Variants in RPS6KB1 observed in about 807,000 individuals in gnomAD.
RPS6KB1 encodes the protein ribosomal protein S6 kinase beta-1.
RPS6KB1 carries 12 observed loss-of-function variants against 70.2 expected under a neutral mutation model. The ratio of observed to expected loss-of-function variants is 0.17; its 90% CI spans 0.11 to 0.28. The LOEUF (loss-of-function observed/expected upper bound fraction) is 0.28. Among genes scored for constraint, RPS6KB1 ranks in the 10% least tolerant of loss-of-function variants. The pLI, the probability that RPS6KB1 is intolerant of heterozygous loss-of-function variation, is 1.00. For missense variants in RPS6KB1, 270 were observed against 646.6 expected (o/e 0.42, Z 6.32); for synonymous variants, 175 against 211.2 (o/e 0.83, Z 1.49).
rs1015791882 is a variant in RPS6KB1, at chr17:59,947,282, A to C, written c.*494A>C. Reference sequence around the variant, plus strand: ...ACTTACCAATTGATGTTTTACGTGCAAACAACCTGAATCTTTTTTTTATAT... The same window carrying C: ...ACTTACCAATTGATGTTTTACGTGCCAACAACCTGAATCTTTTTTTTATAT... On this transcript the variant is annotated 3_prime_UTR_variant, in exon 15 of 15. Transcript: ENST00000225577. The C allele has an allele frequency of 9.9e-7, 1 of 1,007,284 alleles. No individual in the cohort carries two copies. Among genetic ancestry groups the C allele is most frequent in the South Asian group, 4.7e-5 (1 of 21,328 alleles). 62.4% of individuals were successfully genotyped at this position (1,007,284 alleles called of 1,614,324 possible).
intron 1 of RPS6KB1, among the ~76,000 whole-genome samples, chr17:59,896,141 A>G (rs905095154): frequency 5.3e-5 from 8 of 152,106 alleles, no homozygotes; most frequent in Non-Finnish European, 1.0e-4. Flanking sequence ...AAGGTGCTTT[A>G]TATCTTCATT....
At chr17:59,924,086 C>G (rs2144899876) in intron 4 of RPS6KB1, among the ~76,000 whole-genome samples, 1 of 152,252 alleles carries the variant, frequency 6.6e-6, no homozygotes, top group Middle Eastern at 3.4e-3. Flanking sequence ...GTAATCCCAG[C>G]ACTTTGGGAG....
intron 1 of RPS6KB1, among the ~76,000 whole-genome samples, chr17:59,897,350 A>G (rs776942713): frequency 2.0e-5 from 3 of 152,232 alleles, no homozygotes; most frequent in Non-Finnish European, 4.4e-5. Flanking sequence ...GTATTAAGCA[A>G]TTAGCTAGTT....
At chr17:59,910,530 ATTAT>A (rs1284583718) in intron 1 of RPS6KB1, 28 bp from the exon 2 acceptor site, 2 of 1,413,358 alleles carry the variant, frequency 1.4e-6, no homozygotes, top group African/African-American at 2.8e-5. Flanking sequence ...TGTTTATTAG[ATTAT>A]TTCTGAAACT....
intron 12 of RPS6KB1, among the ~76,000 whole-genome samples, chr17:59,938,345 A>C (rs945996958): frequency 6.6e-6 from 1 of 150,850 alleles, no homozygotes; most frequent in African/African-American, 2.4e-5. Context: ...TTTTTTCTAG[A>C]GATGAGGTCT....
At chr17:59,940,612 A>G (rs1450664894) in intron 12 of RPS6KB1, among the ~76,000 whole-genome samples, 1 of 152,122 alleles carries the variant, frequency 6.6e-6, no homozygotes, top group Non-Finnish European at 1.5e-5. Flanking sequence ...TAATAGGAAT[A>G]ACTGTATACT....
intron 5 of RPS6KB1, among the ~76,000 whole-genome samples, chr17:59,929,489 T>C (rs1346447418): frequency 3.3e-5 from 5 of 152,266 alleles, no homozygotes; most frequent in African/African-American, 1.2e-4. Flanking sequence ...CACGTCTTCT[T>C]CATTTATTAC....
chr17:59,904,235 C>A (rs2042129086), intron 1 of RPS6KB1, among the ~76,000 whole-genome samples: 1 of 151,344 alleles, frequency 6.6e-6, no homozygotes. Context: ...TGCGCACCAA[C>A]ACGTCCGGCT....
chr17:59,935,626 C>T (rs1031965367), intron 10 of RPS6KB1, among the ~76,000 whole-genome samples: 1 of 151,940 alleles, frequency 6.6e-6, no homozygotes, highest in African/African-American at 2.4e-5. Context: ...AGGCACCCGC[C>T]ACCACGCCCG....
chr17:59,917,778 C>T (rs950964104), intron 4 of RPS6KB1, among the ~76,000 whole-genome samples: 1 of 152,052 alleles, frequency 6.6e-6, no homozygotes, highest in African/African-American at 2.4e-5. Context: ...TCTTTCAGTT[C>T]TAGGAAATTT....
At chr17:59,912,107 T>G (rs2042678565) in intron 2 of RPS6KB1, 1 of 152,572 alleles carries the variant, frequency 6.6e-6, no homozygotes, top group Non-Finnish European at 1.5e-5. Flanking sequence ...CTTAATGAAC[T>G]TTTTCTAACT....
At chr17:59,943,762 C>T (rs950965000) in intron 13 of RPS6KB1, among the ~76,000 whole-genome samples, 4 of 150,412 alleles carry the variant, frequency 2.7e-5, no homozygotes, top group Non-Finnish European at 5.9e-5. Context: ...CCCAGCTACT[C>T]GGGAGGCTGA....
rs1598606041 is a variant in RPS6KB1, at chr17:59,893,424, G to A, written c.141+99G>A. 8.7e-6 allele frequency: 11 copies of A among 1,262,026 alleles called. No homozygotes were observed. Among genetic ancestry groups the A allele is most frequent in the African/African-American group, 1.5e-5 (1 of 66,890 alleles). 78.2% of individuals were successfully genotyped at this position (1,262,026 alleles called of 1,614,324 possible). ...GTCCTAGAGCGTGGAGACCCAGGGG[G>A]GCTCCTGAGGAGCTGAGGGTCGCGC... On this transcript the variant is annotated intron_variant, in intron 1 of 14. Transcript: ENST00000225577. This position sits in a 1 kb window ranked among gnomAD's most constrained non-coding sequence, Gnocchi z 4.1.
At chr17:59,919,483 G>A (rs1331241521) in intron 4 of RPS6KB1, among the ~76,000 whole-genome samples, 2 of 152,110 alleles carry the variant, frequency 1.3e-5, no homozygotes, top group African/African-American at 4.8e-5. Context: ...AATATTGTCT[G>A]TAGATCTTTT....
intron 1 of RPS6KB1, among the ~76,000 whole-genome samples, chr17:59,900,101 A>C (rs1252982862): frequency 6.6e-6 from 1 of 150,838 alleles, no homozygotes; most frequent in Non-Finnish European, 1.5e-5. Flanking sequence ...GGAGCCCAGG[A>C]GTTTGAGGAT....
chr17:59,919,126 T>C (rs2043127073), intron 4 of RPS6KB1, among the ~76,000 whole-genome samples: 1 of 152,170 alleles, frequency 6.6e-6, no homozygotes, highest in Non-Finnish European at 1.5e-5. Context: ...ATTATTCATA[T>C]TTAAGAGTAG....
In RPS6KB1 at chr17:59,895,017, G is replaced by T. The variant is rs72838893; in HGVS notation, c.141+1692G>T. ...TTTTCTTTTCTTTTCTTTCTTTCTG[G>T]TTTTTTTGTTTTGTTTTGTTTTTGA... On this transcript the variant is annotated intron_variant, in intron 1 of 14. Coordinates refer to ENST00000225577, the MANE Select transcript of RPS6KB1 (RefSeq NM_003161.4). Among the ~76,000 whole-genome samples, 43 of 145,482 alleles carry T rather than the reference G, an allele frequency of 3.0e-4. 1 individual carries two copies. Among genetic ancestry groups the T allele is most frequent in the Non-Finnish European group, 4.7e-4 (31 of 66,248 alleles).
At chr17:59,897,133 G>T (rs1354637809) in intron 1 of RPS6KB1, among the ~76,000 whole-genome samples, 2 of 152,158 alleles carry the variant, frequency 1.3e-5, no homozygotes, top group Non-Finnish European at 2.9e-5. Context: ...ACTTAATTCA[G>T]CAGGCTTCAT....
chr17:59,938,187 G>GA (rs1418132468), intron 12 of RPS6KB1, among the ~76,000 whole-genome samples: 1 of 141,862 alleles, frequency 7.0e-6, no homozygotes, highest in Non-Finnish European at 1.5e-5. Flanking sequence ...TTTTTTTTGG[G>GA]GGGGGGATAG....
Sources: gnomAD v4.1 joint callset for allele counts (sites outside exome capture counted in the v4.1 genomes callset) on GRCh38, gnomAD v4.1.1 for gene constraint, Gnocchi (gnomAD v3.1) non-coding constraint, MANE v1.5 for transcripts, NCBI Gene and HGNC (gene_info 2026-07-23, HGNC 2026-07-21) for gene names.